CHKA: variants seen among roughly 807,000 people sequenced by gnomAD.
CHKA encodes CHETK-alpha.
A neutral mutation model predicts 60.1 loss-of-function variants in CHKA; 34 were observed. The observed-to-expected ratio is 0.57, with a 90% CI of 0.43 to 0.75. The LOEUF is 0.75. Ranked by LOEUF, CHKA falls within the 30% of genes least tolerant of loss-of-function variation. The pLI, the probability that CHKA is intolerant of heterozygous loss-of-function variation, is 0.00. For missense variants in CHKA, 563 were observed against 561.3 expected, an observed-to-expected ratio of 1.00 and a Z score of -0.03; for synonymous variants, 217 against 223.1, an observed-to-expected ratio of 0.97 and a Z score of 0.24.
At chr11:68,095,119 T>C (rs936406106) in intron 2 of CHKA, among the ~76,000 whole-genome samples, 3 of 152,096 alleles carry the variant, frequency 2.0e-5, no homozygotes, top group Admixed American at 6.5e-5. Flanking sequence ...AAAATGGATA[T>C]CAGGGCCAGG....
At chr11:68,092,969 T>C (rs1857395158) in intron 2 of CHKA, among the ~76,000 whole-genome samples, 1 of 151,780 alleles carries the variant, frequency 6.6e-6, no homozygotes. Flanking sequence ...TTATTATCCG[T>C]ATAGAAAACT....
chr11:68,089,702 G>A (rs1019114660), intron 2 of CHKA: 2 of 152,174 alleles, frequency 1.3e-5, no homozygotes, highest in Admixed American at 1.3e-4. Context: ...AACTGTAGCT[G>A]GTGCTACTTA....
intron 1 of CHKA, among the ~76,000 whole-genome samples, chr11:68,098,707 T>C (rs1443675067): frequency 2.6e-5 from 4 of 152,170 alleles, no homozygotes; most frequent in African/African-American, 9.7e-5. Flanking sequence ...TTTATTTATT[T>C]TTTTCAGAGA....
At chr11:68,059,184 C>T (rs56024650) in intron 11 of CHKA, among the ~76,000 whole-genome samples, 2,666 of 152,320 alleles carry the variant, frequency 0.018, 80 homozygotes, top group African/African-American at 0.061. Flanking sequence ...CATGAGCCAC[C>T]GCGCCTGGCT....
intron 11 of CHKA, among the ~76,000 whole-genome samples, chr11:68,056,782 A>G (rs1278852332): frequency 6.6e-6 from 1 of 152,114 alleles, no homozygotes; most frequent in Admixed American, 6.5e-5. Flanking sequence ...GGTTGAGACA[A>G]GAGGATCGCT....
intron 2 of CHKA, among the ~76,000 whole-genome samples, chr11:68,091,472 CA>C (rs1185032310): frequency 3.9e-5 from 6 of 152,100 alleles, no homozygotes; most frequent in African/African-American, 1.2e-4. Context: ...TTGACCTTGC[CA>C]AACACAGGAA....
At position 68,081,440 on chromosome 11, in the gene CHKA, C is replaced by T. The variant is rs774285753; in HGVS notation, c.480G>A (p.Glu160=). Residue 160 remains glutamate, a synonymous_variant, in exon 3 of 12, where the codon GAG becomes GAA. Transcript: ENST00000265689. ...TTTCTTTCTGAGCTTGTTCGGATCC[C>T]TCTTTATTACAGGACCTCTATGAAT... ...AILQMRSCNK[E]GSEQAQKENE... 2 of 1,613,368 alleles carry T rather than the reference C, an allele frequency of 1.2e-6. No individual in the cohort carries two copies. The highest frequency in any genetic ancestry group is 1.3e-5 in the African/African-American group (1 of 74,902).
intron 1 of CHKA, among the ~76,000 whole-genome samples, chr11:68,105,197 T>TA (rs1434571121): frequency 4.6e-5 from 7 of 151,458 alleles, no homozygotes; most frequent in Non-Finnish European, 1.5e-5. Context: ...TACAACAACT[T>TA]AGTAGGCTGC....
chr11:68,121,214 G>T lies in CHKA; in HGVS notation c.-37C>A. 8.7e-7 allele frequency: 1 copy of T among 1,143,116 alleles called. No individual in the cohort carries two copies. Among genetic ancestry groups the T allele is most frequent in the Non-Finnish European group, 1.1e-6 (1 of 930,888 alleles). 70.8% of individuals were successfully genotyped at this position (1,143,116 alleles called of 1,614,324 possible). On this transcript the variant is annotated 5_prime_UTR_variant, in exon 1 of 12. In the 5' UTR this introduces an upstream ATG that the reference lacks. Transcript: ENST00000265689. ...GGCCGAGGAGGCGCGGGCGGCCGCA[G>T]CGCGAGAGGACTAGGCTCAGAGTCC...
At chr11:68,109,028 A>T (rs1454572327) in intron 1 of CHKA, among the ~76,000 whole-genome samples, 1 of 151,954 alleles carries the variant, frequency 6.6e-6, no homozygotes, top group East Asian at 1.9e-4. Context: ...GGGGGGAAAA[A>T]ATCCCTTCAT....
At chr11:68,057,899 GTTTT>G (rs1856084939) in intron 11 of CHKA, among the ~76,000 whole-genome samples, 1 of 151,822 alleles carries the variant, frequency 6.6e-6, no homozygotes, top group African/African-American at 2.4e-5. Flanking sequence ...TTTGTTTTTT[GTTTT>G]GTTTTGTTTT....
intron 11 of CHKA, among the ~76,000 whole-genome samples, chr11:68,059,396 T>C (rs890670425): frequency 6.6e-6 from 1 of 152,232 alleles, no homozygotes; most frequent in Admixed American, 6.5e-5. Context: ...AAACCAGCCT[T>C]GCATTCCAGG....
At chr11:68,098,224 T>C (rs1311333899) in intron 1 of CHKA, among the ~76,000 whole-genome samples, 3 of 144,564 alleles carry the variant, frequency 2.1e-5, no homozygotes, top group Non-Finnish European at 4.5e-5. Context: ...TGAGCCGTTA[T>C]CGCGCCACTG....
rs1855891397 is a variant in CHKA, at chr11:68,053,803, G to A, written c.*185C>T. The A allele has an allele frequency of 1.9e-5, 10 of 516,646 alleles. No homozygotes were observed. Among genetic ancestry groups the A allele is most frequent in the East Asian group, 3.2e-5 (1 of 31,616 alleles). The allele number at this position is 516,646 out of a possible 1,614,324, so 32.0% of individuals were successfully genotyped here. A position where few individuals can be genotyped will look rare whatever the true frequency, so the allele number is the denominator to read the frequency against. ...CTCGTTTCTGAGTCCTAGTGAAATC[G>A]TAAACAAGAGATGAAATAAACGTCG... is the stretch of plus-strand genomic sequence containing the variant. On this transcript the variant is annotated 3_prime_UTR_variant, in exon 12 of 12. Coordinates refer to ENST00000265689, the MANE Select transcript of CHKA (RefSeq NM_001277.3).
chr11:68,092,769 C>T (rs1857388904), intron 2 of CHKA, among the ~76,000 whole-genome samples: 1 of 152,184 alleles, frequency 6.6e-6, no homozygotes, highest in Admixed American at 6.5e-5. Flanking sequence ...ATACTTAACT[C>T]TGAGACTCTA....
intron 4 of CHKA, among the ~76,000 whole-genome samples, chr11:68,074,322 G>A (rs749788058): frequency 2.6e-5 from 4 of 152,142 alleles, no homozygotes; most frequent in African/African-American, 7.2e-5. Context: ...AAGGAAGGGT[G>A]ATGGGAAAGA....
intron 1 of CHKA, among the ~76,000 whole-genome samples, chr11:68,101,689 C>T (rs546235105): frequency 6.6e-6 from 1 of 151,198 alleles, no homozygotes; most frequent in Non-Finnish European, 1.5e-5. Flanking sequence ...AGAAATTTAA[C>T]CAAGGAGGTG....
chr11:68,070,040 A>G, intron 6 of CHKA, 149 bp downstream of exon 6: 1 of 671,872 alleles, frequency 1.5e-6, no homozygotes, highest in Admixed American at 2.7e-5. Flanking sequence ...CTAGAGAACC[A>G]TAATTCCAGA....
At chr11:68,090,245 A>G (rs1246862606) in intron 2 of CHKA, among the ~76,000 whole-genome samples, 1 of 152,230 alleles carries the variant, frequency 6.6e-6, no homozygotes, top group Non-Finnish European at 1.5e-5. Context: ...CACTAGAAAA[A>G]TGTTTTACTT....
Sources: allele counts gnomAD v4.1 joint callset (sites outside exome capture counted in the v4.1 genomes callset), GRCh38; gene constraint gnomAD v4.1.1; transcripts MANE v1.5; gene names NCBI Gene and HGNC (gene_info 2026-07-23, HGNC 2026-07-21).